COG6: variants seen among roughly 807,000 people sequenced by gnomAD.
COG6 encodes the protein component of oligomeric golgi complex 6.
In COG6, 74 loss-of-function variants were observed where a neutral mutation model predicts 88.8. The ratio of observed to expected loss-of-function variants is 0.83; its 90% CI spans 0.69 to 1.01. The LOEUF (loss-of-function observed/expected upper bound fraction) is 1.01. Ranked by LOEUF, COG6 falls within the 50% of genes least tolerant of loss-of-function variation. The probability of loss-of-function intolerance (pLI) is 0.00; values close to 1 mark genes in which losing one functional copy is unlikely to be tolerated. For synonymous variants in COG6, 286 were observed against 278.7 expected, an observed-to-expected ratio of 1.03 and a Z score of -0.26; for missense variants, 800 against 797.9, an observed-to-expected ratio of 1.00 and a Z score of -0.03.
chr13:39,656,085 G>A (rs764312436), intron 1 of COG6: 2 of 709,632 alleles, frequency 2.8e-6, no homozygotes, highest in South Asian at 1.5e-5. Context: ...AAAAGCGAAG[G>A]GGTTTCCTGG....
intron 12 of COG6, among the ~76,000 whole-genome samples, chr13:39,699,117 C>G (rs1330896650): frequency 1.3e-5 from 2 of 151,542 alleles, no homozygotes; most frequent in Non-Finnish European, 3.0e-5. Flanking sequence ...AATATTTTAT[C>G]AATAGAGCTG....
At chr13:39,655,900 C>A (rs1874449999) in intron 1 of COG6, 21 bp downstream of exon 1, 2 of 1,599,728 alleles carry the variant, frequency 1.3e-6, no homozygotes, top group South Asian at 2.2e-5. Context: ...CTGGCGGGGC[C>A]GGAGTCACAG....
At chr13:39,679,855 C>A in intron 6 of COG6, 120 bp from the exon 7 acceptor site, 1 of 690,186 alleles carries the variant, frequency 1.4e-6, no homozygotes. Flanking sequence ...ATTGAAAAAT[C>A]ATCCCATAAA....
intron 18 of COG6, among the ~76,000 whole-genome samples, chr13:39,782,219 T>C (rs1881650299): frequency 6.6e-6 from 1 of 152,230 alleles, no homozygotes; most frequent in African/African-American, 2.4e-5. Flanking sequence ...AGGATAACTC[T>C]TCAGCTTTCT....
In COG6 at chr13:39,689,759, G is replaced by A. The variant is rs1236540972; in HGVS notation, c.1010-1G>A. 1 of 1,598,556 alleles carries A rather than the reference G, an allele frequency of 6.3e-7. No homozygotes were observed. The highest frequency in any genetic ancestry group is 8.6e-7 in the Non-Finnish European group (1 of 1,167,732). On this transcript the variant is annotated splice_acceptor_variant, in intron 10 of 18. Coordinates refer to ENST00000455146, the MANE Select transcript of COG6 (RefSeq NM_020751.3). LOFTEE classifies it high-confidence loss of function. The stretch of plus-strand genomic sequence containing the variant: ...ATTAATTATGTAGTCATTAATTTTA[G>A]GTGTTGAAGAAAATATTCAAGAAGT...
chr13:39,678,053 C>T (rs4941939), intron 5 of COG6: 187,250 of 445,404 alleles, frequency 0.42, 41,811 homozygotes, highest in Admixed American at 0.6. Flanking sequence ...TACAGTTAGA[C>T]CACATTTTCT....
intron 18 of COG6, among the ~76,000 whole-genome samples, chr13:39,781,872 T>C (rs1471994857): frequency 6.6e-6 from 1 of 152,264 alleles, no homozygotes; most frequent in Non-Finnish European, 1.5e-5. Flanking sequence ...CAAATGATTT[T>C]AATTAATACT....
At chr13:39,725,940 G>A (rs1257670255) in intron 17 of COG6, among the ~76,000 whole-genome samples, 4 of 151,676 alleles carry the variant, frequency 2.6e-5, no homozygotes, top group African/African-American at 9.7e-5. Flanking sequence ...CCCTTCCTCT[G>A]TTTCTCCTTC....
chr13:39,788,390 T>C, exon 19 of COG6: 1 of 1,550,366 alleles, frequency 6.5e-7, no homozygotes, highest in Non-Finnish European at 8.7e-7. Flanking sequence ...CTTGTGCTTC[T>C]GGAGCCATTC....
At chr13:39,719,403 G>A in intron 14 of COG6, 36 bp downstream of exon 14, 1 of 1,597,702 alleles carries the variant, frequency 6.3e-7, no homozygotes, top group Non-Finnish European at 8.6e-7. Flanking sequence ...ATTGTTTTTT[G>A]CTCTTCTATT....
At chr13:39,765,465 G>T (rs1023263861) in intron 18 of COG6, among the ~76,000 whole-genome samples, 4 of 152,248 alleles carry the variant, frequency 2.6e-5, no homozygotes, top group East Asian at 1.9e-4. Flanking sequence ...GAAAGATCTA[G>T]ATATCTCATA....
At chr13:39,713,735 CA>C (rs1013678149) in intron 13 of COG6, among the ~76,000 whole-genome samples, 1 of 149,486 alleles carries the variant, frequency 6.7e-6, no homozygotes, top group Non-Finnish European at 1.5e-5. Flanking sequence ...GACTCCATCT[CA>C]AAAAAAAAGA....
chr13:39,767,706 G>C (rs1881207585), intron 18 of COG6, among the ~76,000 whole-genome samples: 1 of 152,206 alleles, frequency 6.6e-6, no homozygotes, highest in African/African-American at 2.4e-5. Context: ...TTGTGCGGCT[G>C]CTTGGAAGTA....
intron 13 of COG6, among the ~76,000 whole-genome samples, chr13:39,709,787 T>G (rs762614266): frequency 1.3e-5 from 2 of 152,144 alleles, no homozygotes; most frequent in Non-Finnish European, 2.9e-5. Context: ...TATCCAGTCA[T>G]CTGTTGATGG....
rs74986050 is a variant in COG6, at chr13:39,704,802, C to T, written c.1284+5184C>T. Among the ~76,000 whole-genome samples the T allele has an allele frequency of 4.6e-3, 699 of 152,212 alleles. 5 individuals carry two copies. Among genetic ancestry groups the T allele is most frequent in the African/African-American group, 0.016 (646 of 41,536 alleles). On this transcript the variant is annotated intron_variant, in intron 13 of 18. Coordinates refer to ENST00000455146, the MANE Select transcript of COG6 (RefSeq NM_020751.3). The stretch of plus-strand genomic sequence containing the variant: ...TATTGCAGCTTATATGAGTTTATAG[C>T]AGTGAATGGGCTCTGATCATTATTG...
exon 19 of COG6, chr13:39,788,347 C>A: frequency 6.4e-7 from 1 of 1,551,790 alleles, no homozygotes; most frequent in Non-Finnish European, 8.7e-7. Flanking sequence ...GTCCACCCAA[C>A]GGCCCATGAT....
At chr13:39,683,684 T>A (rs923376953) in intron 8 of COG6, among the ~76,000 whole-genome samples, 2 of 152,182 alleles carry the variant, frequency 1.3e-5, no homozygotes, top group African/African-American at 4.8e-5. Context: ...TGGCGTTTGA[T>A]TTTAACAGCT....
chr13:39,692,216 C>G (rs962618383), intron 11 of COG6, among the ~76,000 whole-genome samples: 14 of 151,860 alleles, frequency 9.2e-5, no homozygotes, highest in African/African-American at 3.4e-4. Flanking sequence ...CAGCATCAAC[C>G]CTATTACTTT....
Position 39,679,565 on chromosome 13 carries a change from A to C in COG6, c.568A>C (p.Lys190Gln). The C allele has an allele frequency of 6.2e-7, 1 of 1,604,276 alleles. No homozygotes were observed. The highest frequency in any genetic ancestry group is 8.5e-7 in the Non-Finnish European group (1 of 1,171,156). ...EDFFKALGRV[K>Q]QIHNDVKVLL... Reference sequence around the variant, plus strand: ...TTTTTTCAAGGCACTGGGAAGAGTAAAACAGATTCATAATGATGTCAAAGT... The same window carrying C: ...TTTTTTCAAGGCACTGGGAAGAGTACAACAGATTCATAATGATGTCAAAGT... Residue 190 changes from lysine to glutamine, a missense_variant, in exon 6 of 19, where the codon AAA (lysine) becomes CAA (glutamine). Physicochemically the swap from Lys to Gln is moderately conservative, Grantham distance 53. Transcript: ENST00000455146.
Sources: allele counts gnomAD v4.1 joint callset (sites outside exome capture counted in the v4.1 genomes callset), GRCh38; gene constraint gnomAD v4.1.1; transcripts MANE v1.5; gene names NCBI Gene and HGNC (gene_info 2026-07-23, HGNC 2026-07-21).